Variants in POU2F1 observed in about 807,000 individuals in gnomAD.
POU2F1 encodes POU domain, class 2, transcription factor 1.
A neutral mutation model predicts 84.9 loss-of-function variants in POU2F1; 16 were observed. The observed-to-expected ratio is 0.19, with a 90% CI of 0.13 to 0.29. POU2F1 has a LOEUF of 0.29. Among genes scored for constraint, POU2F1 ranks in the 10% least tolerant of loss-of-function variants. The probability of loss-of-function intolerance (pLI) is 1.00; values close to 1 mark genes in which losing one functional copy is unlikely to be tolerated. For synonymous variants in POU2F1, 368 were observed against 368.3 expected (o/e 1.00, Z 0.01); for missense variants, 738 against 942.6 (o/e 0.78, Z 2.84).
At chr1:167,273,892 T>C (rs1015515365) in intron 1 of POU2F1, among the ~76,000 whole-genome samples, 1 of 152,184 alleles carries the variant, frequency 6.6e-6, no homozygotes, top group African/African-American at 2.4e-5. Context: ...GACAAAGATA[T>C]AAAAGCCATA....
chr1:167,385,610 A>G (rs1429295161), intron 8 of POU2F1, among the ~76,000 whole-genome samples: 1 of 152,190 alleles, frequency 6.6e-6, no homozygotes, highest in African/African-American at 2.4e-5. Context: ...GGGAAAAAAA[A>G]TAAAAAACCT....
chr1:167,326,118 G>A (rs1656694040), intron 1 of POU2F1, among the ~76,000 whole-genome samples: 1 of 151,804 alleles, frequency 6.6e-6, no homozygotes, highest in East Asian at 1.9e-4. Context: ...CCCAATCCAG[G>A]TCCTCTAAAC....
At chr1:167,382,283 G>T (rs891892604) in intron 7 of POU2F1, among the ~76,000 whole-genome samples, 7 of 152,188 alleles carry the variant, frequency 4.6e-5, no homozygotes, top group African/African-American at 1.7e-4. Flanking sequence ...AGTCTCTCTG[G>T]AGAAGCAATA....
At chr1:167,277,086 A>T in intron 1 of POU2F1, among the ~76,000 whole-genome samples, 1 of 152,066 alleles carries the variant, frequency 6.6e-6, no homozygotes, top group East Asian at 1.9e-4. Context: ...ACCTGTTCTT[A>T]TTTGACCTCT....
intron 1 of POU2F1, among the ~76,000 whole-genome samples, chr1:167,315,092 A>G (rs540595118): frequency 1.3e-5 from 2 of 152,254 alleles, no homozygotes; most frequent in South Asian, 4.1e-4. Context: ...GATCTCCCCA[A>G]AAGCAGATGC....
chr1:167,313,836 T>C (rs571272108), intron 1 of POU2F1, among the ~76,000 whole-genome samples: 8 of 152,058 alleles, frequency 5.3e-5, no homozygotes, highest in Non-Finnish European at 8.8e-5. Context: ...AAAGAACATA[T>C]CTAATAAAGG....
In POU2F1 at chr1:167,317,843, A is replaced by G. The variant is rs115375376; in HGVS notation, c.62-14627A>G. Among the ~76,000 whole-genome samples, 666 of 152,320 alleles carry G rather than the reference A, an allele frequency of 4.4e-3. 12 individuals carry two copies. The highest frequency in any genetic ancestry group is 0.016 in the African/African-American group (650 of 41,572). On this transcript the variant is annotated intron_variant, in intron 1 of 15. Coordinates refer to ENST00000367866, the MANE Select transcript of POU2F1 (RefSeq NM_002697.4). ...GGCCAGATTTGGGGGCCTCTTCCCAACATGTCTCCCCTTTTTGTTTTTGCA... is the reference window on the plus strand; with the variant it reads ...GGCCAGATTTGGGGGCCTCTTCCCAGCATGTCTCCCCTTTTTGTTTTTGCA...
chr1:167,375,615 A>T (rs1198714102), intron 6 of POU2F1, among the ~76,000 whole-genome samples: 2 of 152,252 alleles, frequency 1.3e-5, no homozygotes, highest in Non-Finnish European at 2.9e-5. Context: ...AAGTCATTAT[A>T]GGCCCTTTAT....
chr1:167,243,827 T>C (rs1557841109), intron 1 of POU2F1, among the ~76,000 whole-genome samples: 1 of 152,218 alleles, frequency 6.6e-6, no homozygotes, highest in Non-Finnish European at 1.5e-5. Flanking sequence ...CATTATAACA[T>C]GTCCCATGTA....
At chr1:167,324,703 A>G (rs1396436844) in intron 1 of POU2F1, among the ~76,000 whole-genome samples, 1 of 152,132 alleles carries the variant, frequency 6.6e-6, no homozygotes, top group Non-Finnish European at 1.5e-5. Context: ...ATGTGACCCT[A>G]AGGGTCATTA....
intron 1 of POU2F1, among the ~76,000 whole-genome samples, chr1:167,251,091 G>T (rs966090613): frequency 1.3e-5 from 2 of 152,118 alleles, no homozygotes; most frequent in Non-Finnish European, 2.9e-5. Flanking sequence ...AGAACATGAG[G>T]TATTTTAGCT....
At chr1:167,321,292 C>T (rs1203988779) in intron 1 of POU2F1, among the ~76,000 whole-genome samples, 1 of 152,178 alleles carries the variant, frequency 6.6e-6, no homozygotes, top group Non-Finnish European at 1.5e-5. Context: ...CCTATAAAAA[C>T]ACTTAGCAGG....
At chr1:167,240,307 T>C (rs1203965909) in intron 1 of POU2F1, among the ~76,000 whole-genome samples, 2 of 152,198 alleles carry the variant, frequency 1.3e-5, no homozygotes, top group Non-Finnish European at 2.9e-5. Context: ...GAACCTTCTT[T>C]AAGTCCGATA....
intron 1 of POU2F1, among the ~76,000 whole-genome samples, chr1:167,250,339 A>C (rs1272866359): frequency 6.6e-6 from 1 of 152,214 alleles, no homozygotes; most frequent in East Asian, 1.9e-4. Context: ...GATAGAAAAG[A>C]AAACAGTGTT....
At chr1:167,339,592 C>T (rs1252543624) in intron 2 of POU2F1, among the ~76,000 whole-genome samples, 1 of 152,200 alleles carries the variant, frequency 6.6e-6, no homozygotes, top group Non-Finnish European at 1.5e-5. Flanking sequence ...CATCAGTACT[C>T]CTGACAGATG....
intron 2 of POU2F1, among the ~76,000 whole-genome samples, chr1:167,352,340 GTAGC>G (rs1658636319): frequency 6.6e-6 from 1 of 152,188 alleles, no homozygotes; most frequent in Non-Finnish European, 1.5e-5. Flanking sequence ...TGTAGTTGAA[GTAGC>G]TAGCTGTGAG....
intron 1 of POU2F1, among the ~76,000 whole-genome samples, chr1:167,231,535 G>A (rs922127087): frequency 2.0e-5 from 3 of 152,168 alleles, no homozygotes; most frequent in Non-Finnish European, 2.9e-5. Context: ...AGATTATGAT[G>A]AACCAATATG....
intron 1 of POU2F1, among the ~76,000 whole-genome samples, chr1:167,309,787 A>C (rs566530790): frequency 1.3e-5 from 2 of 152,256 alleles, no homozygotes; most frequent in African/African-American, 4.8e-5. Flanking sequence ...TGTTACATTT[A>C]AGGTGTTAAA....
At chr1:167,385,438 T>G (rs146270558) in intron 8 of POU2F1, among the ~76,000 whole-genome samples, 5 of 152,164 alleles carry the variant, frequency 3.3e-5, no homozygotes, top group Admixed American at 6.5e-5. Flanking sequence ...ACTCAAGTAA[T>G]GAAGACAGTG....
Sources: gnomAD v4.1 joint callset for allele counts (sites outside exome capture counted in the v4.1 genomes callset) on GRCh38, gnomAD v4.1.1 for gene constraint, MANE v1.5 for transcripts, NCBI Gene and HGNC (gene_info 2026-07-23, HGNC 2026-07-21) for gene names.